PARD3B: variants seen among roughly 807,000 people sequenced by gnomAD.
PARD3B encodes the protein par-3 family cell polarity regulator beta, also known as partitioning defective 3 homolog B.
A neutral mutation model predicts 130.2 loss-of-function variants in PARD3B; 103 were observed. The ratio of observed to expected loss-of-function variants is 0.79; its 90% confidence interval spans 0.67 to 0.93. The LOEUF is 0.93. Ranked by LOEUF, PARD3B falls within the 40% of genes least tolerant of loss-of-function variation. PARD3B has a pLI of 0.00. For missense variants in PARD3B, 1,609 were observed against 1,499.2 expected (o/e 1.07, Z -1.21); for synonymous variants, 583 against 553.2 (o/e 1.05, Z -0.76).
chr2:205,563,465 T>C lies in PARD3B; in HGVS notation c.3260+10062T>C, dbSNP rs1044932156. ...GTTTCCAAGGCCTTTTTAATTTCAC[T>C]TGACCCCACATGACTAACATTGGCA... On this transcript the variant is annotated intron_variant, in intron 22 of 22. Coordinates refer to ENST00000406610, the MANE Select transcript of PARD3B (RefSeq NM_001302769.2). This position sits in a 1 kb window ranked among gnomAD's most constrained non-coding sequence, Gnocchi z 4.2. 8.5e-5 allele frequency among the ~76,000 whole-genome samples: 13 copies of C among 152,172 alleles called. No individual in the cohort carries two copies. The highest frequency in any genetic ancestry group is 2.7e-4 in the African/African-American group (11 of 41,440).
chr2:205,183,042 T>C lies in PARD3B; in HGVS notation c.1925-2722T>C, dbSNP rs1414383422. Among the ~76,000 whole-genome samples, 1 of 152,144 alleles carries C rather than the reference T, an allele frequency of 6.6e-6. No homozygotes were observed. The highest frequency in any genetic ancestry group is 2.4e-5 in the African/African-American group (1 of 41,426). Reference sequence around the variant, plus strand: ...GCACGGATAGAGTGGGCACTGGTCTTCTTGGCCACTGTTATAAAAGTGACA... The same window carrying C: ...GCACGGATAGAGTGGGCACTGGTCTCCTTGGCCACTGTTATAAAAGTGACA... On this transcript the variant is annotated intron_variant, in intron 13 of 22. Transcript: ENST00000406610. The surrounding 1 kb of genome is among the most constrained non-coding windows in gnomAD (Gnocchi z 5.2).
intron 18 of PARD3B, among the ~76,000 whole-genome samples, chr2:205,380,951 A>AAATAAT (rs1470809386): frequency 1.6e-5 from 1 of 64,332 alleles, no homozygotes. Context: ...TATAATATAT[A>AAATAAT]ATGTATATAA....
intron 3 of PARD3B, among the ~76,000 whole-genome samples, chr2:204,996,744 G>A (rs1374369893): frequency 1.3e-5 from 2 of 149,378 alleles, no homozygotes; most frequent in African/African-American, 2.5e-5. Flanking sequence ...TTCCGTGGGC[G>A]TAGGACCCTC....
chr2:205,552,741 T>G (rs2052705333), intron 21 of PARD3B, among the ~76,000 whole-genome samples: 1 of 152,026 alleles, frequency 6.6e-6, no homozygotes, highest in Non-Finnish European at 1.5e-5. Context: ...AAATATGGTC[T>G]TTTCACAGCC....
At position 205,610,679 on chromosome 2, in the gene PARD3B, A is replaced by C. The variant is rs527783172; in HGVS notation, c.3261-4777A>C. On this transcript the variant is annotated intron_variant, in intron 22 of 22. Transcript: ENST00000406610. ...AAGACAGTATAATCTTGTTCTTGGC[A>C]AACAAGACAAATAAAATAACCTCTA... Among the ~76,000 whole-genome samples, 3 of 152,302 alleles carry C rather than the reference A, an allele frequency of 2.0e-5. No individual in the cohort carries two copies. In the South Asian group the frequency reaches 6.2e-4, roughly 32 times the overall value.
At chr2:205,507,053 A>C (rs1317021550) in intron 21 of PARD3B, among the ~76,000 whole-genome samples, 1 of 151,772 alleles carries the variant, frequency 6.6e-6, no homozygotes, top group Non-Finnish European at 1.5e-5. Context: ...TAACACAACA[A>C]CTCTGAAGGA....
chr2:204,721,279 C>G (rs969375427), intron 2 of PARD3B, among the ~76,000 whole-genome samples: 2 of 151,996 alleles, frequency 1.3e-5, no homozygotes, highest in African/African-American at 4.8e-5. Flanking sequence ...GAAGAGAGGA[C>G]AGTGGTGGAA....
intron 21 of PARD3B, among the ~76,000 whole-genome samples, chr2:205,520,401 G>A (rs1056150229): frequency 2.0e-5 from 3 of 152,092 alleles, no homozygotes; most frequent in African/African-American, 7.2e-5. Context: ...TCAGTCTAAG[G>A]GTAGCAAGGG....
chr2:204,596,161 A>G (rs977141459), intron 1 of PARD3B, among the ~76,000 whole-genome samples: 21 of 152,190 alleles, frequency 1.4e-4, no homozygotes, highest in African/African-American at 5.1e-4. Context: ...GTCCTAGGTT[A>G]TTGTCTAATA....
In PARD3B at chr2:205,405,133, TA is replaced by T. The variant is rs1574938883; in HGVS notation, c.2741+4014del. Among the ~76,000 whole-genome samples, 1 of 152,140 alleles carries T rather than the reference TA, an allele frequency of 6.6e-6. No homozygotes were observed. Among genetic ancestry groups the T allele is most frequent in the African/African-American group, 2.4e-5 (1 of 41,430 alleles). ...TGTACTGAAAAAGTCCAAAAAGCCA[TA>T]AAAGATGAGTTGGGTTACTAGATTA... On this transcript the variant is annotated intron_variant, in intron 19 of 22. Transcript: ENST00000406610. This position sits in a 1 kb window ranked among gnomAD's most constrained non-coding sequence, Gnocchi z 4.1.
chr2:205,349,284 A>G (rs1017183857), intron 18 of PARD3B, among the ~76,000 whole-genome samples: 1 of 152,130 alleles, frequency 6.6e-6, no homozygotes, highest in Non-Finnish European at 1.5e-5. Context: ...AAAATGTATC[A>G]TAGGTACTAC....
chr2:205,184,030 C>T (rs944917795), intron 13 of PARD3B, among the ~76,000 whole-genome samples: 8 of 152,068 alleles, frequency 5.3e-5, no homozygotes, highest in South Asian at 2.1e-4. Context: ...GTCACTCAGT[C>T]GGGGAATTCT....
chr2:204,789,981 C>T (rs1158486376), intron 2 of PARD3B, among the ~76,000 whole-genome samples: 4 of 151,986 alleles, frequency 2.6e-5, no homozygotes, highest in Admixed American at 1.3e-4. Flanking sequence ...CGCCATTCTC[C>T]TGCCTCAGCC....
chr2:204,902,632 G>GCA (rs1476553960), intron 2 of PARD3B, among the ~76,000 whole-genome samples: 1 of 131,786 alleles, frequency 7.6e-6, no homozygotes, highest in Non-Finnish European at 1.5e-5. Flanking sequence ...TCGCGCCACT[G>GCA]CACTCCAGCC....
At chr2:204,917,161 G>T (rs2047477402) in intron 2 of PARD3B, among the ~76,000 whole-genome samples, 1 of 152,172 alleles carries the variant, frequency 6.6e-6, no homozygotes, top group Admixed American at 6.5e-5. Flanking sequence ...GAAGACCATA[G>T]TCAAAGCCTG....
rs28822675 is a variant in PARD3B at position 204,633,974 on chromosome 2, A to G, written c.121-52207A>G. On this transcript the variant is annotated intron_variant, in intron 1 of 22. Coordinates refer to ENST00000406610, the MANE Select transcript of PARD3B (RefSeq NM_001302769.2). The stretch of plus-strand genomic sequence containing the variant: ...TATGCATCCCTTCAGGCACTTATCC[A>G]TTGAGCTGTAAACAATACAATTACA... Among the ~76,000 whole-genome samples, 920 of 152,306 alleles carry G rather than the reference A, an allele frequency of 6.0e-3. 8 individuals are homozygous for G. The highest frequency in any genetic ancestry group is 0.021 in the African/African-American group (885 of 41,568).
chr2:204,618,199 C>T (rs543157110), intron 1 of PARD3B, among the ~76,000 whole-genome samples: 21 of 152,206 alleles, frequency 1.4e-4, no homozygotes, highest in African/African-American at 5.1e-4. Flanking sequence ...TGTTTATGTC[C>T]TAGAATTTTC....
intron 22 of PARD3B, among the ~76,000 whole-genome samples, chr2:205,567,130 A>G (rs1373000336): frequency 1.3e-5 from 2 of 152,114 alleles, no homozygotes; most frequent in Non-Finnish European, 2.9e-5. Flanking sequence ...CAAGTATCCA[A>G]TTTACTCTCA....
intron 15 of PARD3B, among the ~76,000 whole-genome samples, chr2:205,225,007 T>C (rs2038466947): frequency 1.3e-5 from 2 of 152,156 alleles, no homozygotes; most frequent in African/African-American, 2.4e-5. Context: ...CATTCCTCTG[T>C]TGATGGACAA....
Sources: allele counts gnomAD v4.1 joint callset (sites outside exome capture counted in the v4.1 genomes callset), GRCh38; gene constraint gnomAD v4.1.1; non-coding constraint Gnocchi (gnomAD v3.1); transcripts MANE v1.5; gene names NCBI Gene and HGNC (gene_info 2026-07-23, HGNC 2026-07-21).